SLCO1B3: variants seen among roughly 807,000 people sequenced by gnomAD.
SLCO1B3 encodes the protein solute carrier organic anion transporter family member 1B3, also known as liver-specific organic anion transporter 2.
In SLCO1B3, 72 loss-of-function variants were observed where a neutral mutation model predicts 71.8. That is an observed-to-expected ratio of 1.00 (90% CI 0.83 to 1.22). The LOEUF is 1.22. Among genes scored for constraint, SLCO1B3 ranks in the 50% most tolerant of loss-of-function variants. The probability of loss-of-function intolerance (pLI) is 0.00; values close to 1 mark genes in which losing one functional copy is unlikely to be tolerated. For synonymous variants in SLCO1B3, 298 were observed against 278.4 expected, an observed-to-expected ratio of 1.07 and a Z score of -0.70; for missense variants, 911 against 819.7, an observed-to-expected ratio of 1.11 and a Z score of -1.36.
chr12:20,898,310 G>A (rs575948625), intron 13 of SLCO1B3, 126 bp from the exon 14 acceptor site: 14 of 614,584 alleles, frequency 2.3e-5, no homozygotes, highest in African/African-American at 1.1e-4. Flanking sequence ...TTTATATAAC[G>A]TGGGAAATTC....
chr12:20,914,545 G>T (rs917488703), intron 15 of SLCO1B3, among the ~76,000 whole-genome samples: 2 of 151,984 alleles, frequency 1.3e-5, no homozygotes, highest in African/African-American at 4.8e-5. Context: ...TAAAGAAACT[G>T]ATTTCTATTA....
chr12:20,888,392 T>A (rs1865832247), intron 13 of SLCO1B3, among the ~76,000 whole-genome samples: 1 of 151,990 alleles, frequency 6.6e-6, no homozygotes, highest in Non-Finnish European at 1.5e-5. Flanking sequence ...GTTTTGTAGT[T>A]CTCCTCGTAG....
intron 14 of SLCO1B3, among the ~76,000 whole-genome samples, chr12:20,900,088 G>T (rs1866097409): frequency 6.6e-6 from 1 of 152,066 alleles, no homozygotes; most frequent in Non-Finnish European, 1.5e-5. Flanking sequence ...TAAACCAGTG[G>T]CATAACGTGA....
intron 3 of SLCO1B3, among the ~76,000 whole-genome samples, chr12:20,839,262 C>T (rs528871839): frequency 6.6e-6 from 1 of 152,116 alleles, no homozygotes; most frequent in South Asian, 2.1e-4. Context: ...CAGTGTCTCT[C>T]TGTTTTTATG....
At chr12:20,849,154 A>AT (rs1864972783) in intron 3 of SLCO1B3, among the ~76,000 whole-genome samples, 1 of 152,020 alleles carries the variant, frequency 6.6e-6, no homozygotes, top group Admixed American at 6.6e-5. Context: ...TATTAAGTAT[A>AT]TTAAAAAATT....
At chr12:20,868,465 A>G (rs546185339) in intron 8 of SLCO1B3, among the ~76,000 whole-genome samples, 2 of 152,224 alleles carry the variant, frequency 1.3e-5, no homozygotes, top group Middle Eastern at 3.4e-3. Flanking sequence ...TTTTATACCC[A>G]TTGACTGGGA....
intron 1 of SLCO1B3, among the ~76,000 whole-genome samples, chr12:20,812,290 A>G (rs1463532344): frequency 6.6e-6 from 1 of 152,184 alleles, no homozygotes; most frequent in Admixed American, 6.5e-5. Context: ...TTTTATCTGA[A>G]CATAAAAGAG....
chr12:20,913,787 T>C (rs1351250393), intron 15 of SLCO1B3, among the ~76,000 whole-genome samples: 3 of 152,324 alleles, frequency 2.0e-5, no homozygotes, highest in East Asian at 1.9e-4. Context: ...GGTCTCACTC[T>C]GCTACCCAGG....
chr12:20,819,796 T>C (rs1591741217), intron 3 of SLCO1B3, among the ~76,000 whole-genome samples: 1 of 152,044 alleles, frequency 6.6e-6, no homozygotes, highest in African/African-American at 2.4e-5. Flanking sequence ...TTTAATGAGA[T>C]GATAAGGGGT....
intron 3 of SLCO1B3, among the ~76,000 whole-genome samples, chr12:20,843,780 C>CAAA (rs550396701): frequency 1.4e-4 from 18 of 132,836 alleles, no homozygotes; most frequent in Non-Finnish European, 1.6e-4. Flanking sequence ...GACTCTGTCT[C>CAAA]AAAAAAAAAA....
intron 3 of SLCO1B3, among the ~76,000 whole-genome samples, chr12:20,833,694 AGAT>A (rs1487795610): frequency 1.4e-5 from 2 of 148,058 alleles, no homozygotes; most frequent in African/African-American, 2.4e-5. Context: ...GTATAGAGAG[AGAT>A]GATAAATTAC....
intron 14 of SLCO1B3, among the ~76,000 whole-genome samples, chr12:20,900,604 ACC>A (rs1866109776): frequency 6.6e-6 from 1 of 152,218 alleles, no homozygotes; most frequent in Non-Finnish European, 1.5e-5. Flanking sequence ...AAATATATGC[ACC>A]ATTGTGCACT....
chr12:20,856,926 G>A (rs1208625061), intron 4 of SLCO1B3, among the ~76,000 whole-genome samples: 2 of 151,820 alleles, frequency 1.3e-5, no homozygotes, highest in African/African-American at 4.8e-5. Flanking sequence ...GAGCATCTTA[G>A]AACCAATAAC....
intron 3 of SLCO1B3, among the ~76,000 whole-genome samples, chr12:20,824,106 A>C (rs1864373753): frequency 6.6e-6 from 1 of 152,248 alleles, no homozygotes; most frequent in Non-Finnish European, 1.5e-5. Flanking sequence ...GAAAGGAATT[A>C]TATTTTTAAT....
intron 3 of SLCO1B3, among the ~76,000 whole-genome samples, chr12:20,840,582 G>A (rs1056151456): frequency 1.3e-5 from 2 of 151,838 alleles, no homozygotes; most frequent in Non-Finnish European, 2.9e-5. Context: ...TAGTAGAGAC[G>A]GGGTTTCACC....
At chr12:20,898,114 C>T (rs1214478866) in intron 13 of SLCO1B3, among the ~76,000 whole-genome samples, 3 of 152,138 alleles carry the variant, frequency 2.0e-5, no homozygotes, top group East Asian at 1.9e-4. Context: ...AAATAGTCCA[C>T]ACAAAATCAT....
chr12:20,904,594 T>C (rs1866197910), intron 15 of SLCO1B3, among the ~76,000 whole-genome samples: 1 of 151,516 alleles, frequency 6.6e-6, no homozygotes, highest in Non-Finnish European at 1.5e-5. Flanking sequence ...CATTCTGGAG[T>C]CTGGAGGACA....
At chr12:20,858,598 T>A (rs367809603) in intron 5 of SLCO1B3, 27 bp downstream of exon 5, 32 of 1,574,214 alleles carry the variant, frequency 2.0e-5, no homozygotes, top group Non-Finnish European at 2.8e-5. Context: ...TCTGAGCCAT[T>A]TATTATCAGC....
intron 8 of SLCO1B3, among the ~76,000 whole-genome samples, chr12:20,870,481 CT>C: frequency 6.6e-6 from 1 of 152,200 alleles, no homozygotes; most frequent in Non-Finnish European, 1.5e-5. Context: ...AAATTTTAGT[CT>C]TCAACATAGT....
Sources: allele counts gnomAD v4.1 joint callset (sites outside exome capture counted in the v4.1 genomes callset), GRCh38; gene constraint gnomAD v4.1.1; transcripts MANE v1.5; gene names NCBI Gene and HGNC (gene_info 2026-07-23, HGNC 2026-07-21).